SYNM: variants seen among roughly 807,000 people sequenced by gnomAD.
The protein encoded by SYNM is synemin.
In SYNM, 95 loss-of-function variants were observed where a neutral mutation model predicts 104.0. The observed-to-expected ratio is 0.91, with a 90% CI of 0.77 to 1.08. The LOEUF (loss-of-function observed/expected upper bound fraction) is 1.08. Ranked by LOEUF, SYNM falls within the 50% of genes least tolerant of loss-of-function variation. SYNM has a pLI of 0.00. For synonymous variants in SYNM, 918 were observed against 869.0 expected (o/e 1.06, Z -0.99); for missense variants, 2,150 against 2,052.2 (o/e 1.05, Z -0.92).
At chr15:99,115,283 T>C (rs1420985952) in intron 2 of SYNM, among the ~76,000 whole-genome samples, 1 of 152,084 alleles carries the variant, frequency 6.6e-6, no homozygotes, top group Non-Finnish European at 1.5e-5. Flanking sequence ...CCTTCACAGG[T>C]GGCAGATTAA....
chr15:99,106,739 G>A (rs2067248494), intron 1 of SYNM, among the ~76,000 whole-genome samples: 4 of 152,022 alleles, frequency 2.6e-5, no homozygotes, highest in Admixed American at 2.6e-4. Context: ...TCTGACACCG[G>A]CGGGGTGACA....
At position 99,126,328 on chromosome 15, in the gene SYNM, C is replaced by T. The variant is rs2151807268; in HGVS notation, c.936-394C>T. On this transcript the variant is annotated intron_variant, in intron 2 of 3. Transcript: ENST00000336292. ...AGTGGGGGGTGTAGCTGCTCTGGGG[C>T]CCTCTAGCCTGGGGCCCACATCTCT... Among the ~76,000 whole-genome samples, 2 of 152,312 alleles carry T rather than the reference C, an allele frequency of 1.3e-5. 1 individual carries two copies. Among genetic ancestry groups the T allele is most frequent in the South Asian group, 4.1e-4 (2 of 4,826 alleles).
In SYNM at chr15:99,105,340, C is replaced by A; in HGVS notation, c.141C>A (p.Arg47=). ...TGGAGGAGGAGCTGCGCGGCCGGCG[C>A]GGGCGAGAGGGCCTGTGGGCCGAGG... The part of the protein sequence containing the change: ...LLLEEELRGR[R]GREGLWAEGQ... Residue 47 remains arginine (R), a synonymous_variant, in exon 1 of 4, where the codon CGC becomes CGA. Transcript: ENST00000336292. 1.9e-6 allele frequency: 3 copies of A among 1,539,550 alleles called. No individual in the cohort carries two copies. Among genetic ancestry groups the A allele is most frequent in the Non-Finnish European group, 2.6e-6 (3 of 1,145,500 alleles).
downstream of SYNM, among the ~76,000 whole-genome samples, chr15:99,136,101 G>A (rs115938749): frequency 2.7e-3 from 415 of 152,250 alleles, 5 homozygotes; most frequent in African/African-American, 9.6e-3. Context: ...ATCTTTACCC[G>A]TTTGTAACCT....
In SYNM at chr15:99,130,825, G is replaced by A. The variant is rs2067495163; in HGVS notation, c.2465G>A (p.Gly822Asp). 6.2e-7 allele frequency: 1 copy of A among 1,613,928 alleles called. No individual in the cohort carries two copies. Among genetic ancestry groups the A allele is most frequent in the Non-Finnish European group, 8.5e-7 (1 of 1,179,914 alleles). Residue 822 changes from glycine (G) to aspartate (D), a missense_variant, in exon 4 of 4, where the codon GGT becomes GAT. Coordinates refer to ENST00000336292, the MANE Select transcript of SYNM (RefSeq NM_145728.3). Reference protein sequence around the residue: ...TTHVEEVTEAGDSEGEQSYFV... With the variant: ...TTHVEEVTEADDSEGEQSYFV... ...CACGTGGAAGAAGTGACAGAGGCAG[G>A]TGATTCAGAGGGCGAGCAGAGTTAT...
chr15:99,107,780 G>A (rs1329414063), intron 1 of SYNM, among the ~76,000 whole-genome samples: 2 of 152,100 alleles, frequency 1.3e-5, no homozygotes, highest in Admixed American at 1.3e-4. Flanking sequence ...GGCCCACCGG[G>A]GAAGTGCTTT....
rs782630868 is a variant in SYNM, at chr15:99,130,757, TA to T, written c.2399del (p.Asn800IlefsTer19). The part of the protein sequence containing the change: ...YGESDVTFSV[N>X]QHRRTKQPQE... ...GAGAAAGCGATGTCACATTCTCAGT[TA>T]ATCAGCATCGAAGGACCAAGCAGCC... On this transcript the variant is annotated frameshift_variant, in exon 4 of 4. Transcript: ENST00000336292. LOFTEE classifies it high-confidence loss of function. 1.9e-6 allele frequency: 3 copies of T among 1,613,840 alleles called. No individual in the cohort carries two copies. The highest frequency in any genetic ancestry group is 2.5e-6 in the Non-Finnish European group (3 of 1,179,888).
chr15:99,124,586 G>A (rs113834941), intron 2 of SYNM, among the ~76,000 whole-genome samples: 1,793 of 152,284 alleles, frequency 0.012, 39 homozygotes, highest in African/African-American at 0.039. Context: ...AATATGGCCC[G>A]GAGGGTCTAT....
At chr15:99,128,664 G>T (rs2067469356) in intron 3 of SYNM, among the ~76,000 whole-genome samples, 2 of 152,234 alleles carry the variant, frequency 1.3e-5, no homozygotes, top group Non-Finnish European at 2.9e-5. Context: ...CCCTGCTGGG[G>T]TGTGGACACC....
At chr15:99,137,714 T>A, downstream of SYNM, 1 of 383,740 alleles carries the variant, frequency 2.6e-6, no homozygotes, top group Admixed American at 3.7e-5. Flanking sequence ...CACTGAACTG[T>A]TGAAGAGAAG....
At chr15:99,114,029 G>C (rs1480888570) in intron 2 of SYNM, among the ~76,000 whole-genome samples, 1 of 135,384 alleles carries the variant, frequency 7.4e-6, no homozygotes, top group African/African-American at 2.7e-5. Flanking sequence ...AGGAACTGGA[G>C]ACTGTGTTTA....
chr15:99,138,164 C>G (rs147534055), downstream of SYNM: 51 of 1,607,348 alleles, frequency 3.2e-5, no homozygotes, highest in African/African-American at 6.3e-4. Flanking sequence ...GTGTGGTGCC[C>G]CTCAGCCCCC....
At position 99,130,683 on chromosome 15, in the gene SYNM, G is replaced by C. The variant is rs374839316; in HGVS notation, c.2323G>C (p.Asp775His). 160 of 1,613,798 alleles carry C rather than the reference G, an allele frequency of 9.9e-5. No individual in the cohort carries two copies. The highest frequency in any genetic ancestry group is 1.8e-5 in the Non-Finnish European group (21 of 1,179,876). The change falls in exon 4 of 4, where the codon GAT (aspartate) becomes CAT (histidine). Residue 775 changes from aspartate (D) to histidine (H), a missense_variant. Coordinates refer to ENST00000336292, the MANE Select transcript of SYNM (RefSeq NM_145728.3). ...CCCATTCAAAGTGGAGGAGGTCGAA[G>C]ATGTGTCGCCAGGCCCCTGGGGGTT... ...SVPFKVEEVEDVSPGPWGLVK... is the reference protein window; with the variant it reads ...SVPFKVEEVEHVSPGPWGLVK...
chr15:99,120,612 G>A (rs1018874030), intron 2 of SYNM, among the ~76,000 whole-genome samples: 2 of 152,348 alleles, frequency 1.3e-5, no homozygotes, highest in East Asian at 1.9e-4. Flanking sequence ...GACACTGCCA[G>A]TGTGGGCTTC....
intron 3 of SYNM, among the ~76,000 whole-genome samples, chr15:99,128,460 C>A (rs1478480525): frequency 3.3e-5 from 5 of 152,212 alleles, no homozygotes; most frequent in Non-Finnish European, 7.3e-5. Context: ...TAGAAAATGT[C>A]CTGGCCTGGT....
chr15:99,106,001 G>A lies in SYNM; in HGVS notation c.802G>A (p.Glu268Lys), dbSNP rs782711514. The change falls in exon 1 of 4, where the codon GAG becomes AAG. Residue 268 changes from glutamate (E) to lysine (K), a missense_variant. By Grantham distance (56) the Glu-to-Lys change is moderately conservative. Transcript: ENST00000336292. ...MREEYGIQAE[E>K]RQRVIDCLED... ...CGAGGAGTACGGGATACAGGCCGAG[G>A]AGCGGCAGGTCCGTGCGCGGGGATG... 758 of 1,471,776 alleles carry A rather than the reference G, an allele frequency of 5.2e-4. 7 individuals are homozygous for A. The highest frequency in any genetic ancestry group is 1.2e-4 in the Non-Finnish European group (134 of 1,116,680). The allele number at this position is 1,471,776 out of a possible 1,614,324, so 91.2% of individuals were successfully genotyped here.
chr15:99,136,594 C>T (rs2067609084), downstream of SYNM: 1 of 152,306 alleles, frequency 6.6e-6, no homozygotes, highest in Admixed American at 6.5e-5. Context: ...TAATCCCATT[C>T]ATCAGGGCTC....
At chr15:99,140,650 G>A in the SYNM span, 1 of 152,310 alleles carries the variant, frequency 6.6e-6, no homozygotes, top group African/African-American at 2.4e-5. Flanking sequence ...GATTATAGGA[G>A]TGAGCCACCA....
At chr15:99,123,342 G>A (rs2067418866) in intron 2 of SYNM, among the ~76,000 whole-genome samples, 1 of 148,270 alleles carries the variant, frequency 6.7e-6, no homozygotes, top group Admixed American at 6.7e-5. Flanking sequence ...ACCTAGAGAT[G>A]GCTCTGGGAT....
Sources: allele counts gnomAD v4.1 joint callset (sites outside exome capture counted in the v4.1 genomes callset), GRCh38; gene constraint gnomAD v4.1.1; transcripts MANE v1.5; gene names NCBI Gene and HGNC (gene_info 2026-07-23, HGNC 2026-07-21).